Variants in ERBB4 observed in about 807,000 individuals in gnomAD.
ERBB4 encodes receptor tyrosine-protein kinase erbB-4.
ERBB4 carries 42 observed loss-of-function variants against 158.0 expected under a neutral mutation model. The ratio of observed to expected loss-of-function variants is 0.27; its 90% CI spans 0.21 to 0.34. The LOEUF (loss-of-function observed/expected upper bound fraction) is 0.34. Ranked by LOEUF, ERBB4 falls within the 10% of genes least tolerant of loss-of-function variation. ERBB4 has a pLI of 1.00. For synonymous variants in ERBB4, 583 were observed against 558.7 expected, an observed-to-expected ratio of 1.04 and a Z score of -0.61; for missense variants, 1,333 against 1,624.1, an observed-to-expected ratio of 0.82 and a Z score of 3.08.
chr2:211,998,583 CT>C (rs2076027415), intron 2 of ERBB4, among the ~76,000 whole-genome samples: 1 of 147,636 alleles, frequency 6.8e-6, no homozygotes, highest in African/African-American at 2.5e-5. Context: ...TCAGCGTATA[CT>C]TTGTAAGTAA....
intron 1 of ERBB4, among the ~76,000 whole-genome samples, chr2:212,454,129 T>TG (rs201254107): frequency 0.02 from 3,010 of 152,022 alleles, 95 homozygotes; most frequent in African/African-American, 0.069. Context: ...TTAGTAGAGA[T>TG]GGGGTTTCAC....
At chr2:211,769,919 T>A (rs534125522) in intron 4 of ERBB4, among the ~76,000 whole-genome samples, 222 of 152,346 alleles carry the variant, frequency 1.5e-3, no homozygotes, top group African/African-American at 5.0e-3. Context: ...CTTACTCAAA[T>A]GTTAATTTCT....
At chr2:211,616,173 T>C (rs1271731672) in intron 19 of ERBB4, among the ~76,000 whole-genome samples, 3 of 151,732 alleles carry the variant, frequency 2.0e-5, no homozygotes. Context: ...AGTGTGGCTC[T>C]TTCCCAGCAG....
intron 1 of ERBB4, among the ~76,000 whole-genome samples, chr2:212,251,147 C>G (rs1221588130): frequency 3.3e-5 from 5 of 151,952 alleles, no homozygotes; most frequent in Admixed American, 3.3e-4. Context: ...TCTAAAATGT[C>G]TTTACATCCT....
At chr2:211,647,866 T>C (rs555797967) in intron 16 of ERBB4, among the ~76,000 whole-genome samples, 2 of 151,842 alleles carry the variant, frequency 1.3e-5, no homozygotes, top group African/African-American at 4.8e-5. Context: ...TTTTCTTTAC[T>C]TGGCGTCCAG....
rs370075330 is a variant in ERBB4 at position 212,260,281 on chromosome 2, G to A, written c.83-135378C>T. On this transcript the variant is annotated intron_variant, in intron 1 of 27. Transcript: ENST00000342788. ...AGAGTCCAAAAGGATATTTGCAGAG[G>A]AGGAAAAGAAACAAAAGAGTAGAGA... Among the ~76,000 whole-genome samples the A allele has an allele frequency of 8.5e-5, 13 of 152,210 alleles. No homozygotes were observed. The South Asian group carries it at 2.7e-3, about 32-fold the overall frequency.
At chr2:211,937,198 AAC>A (rs1337648891) in intron 3 of ERBB4, among the ~76,000 whole-genome samples, 1 of 151,850 alleles carries the variant, frequency 6.6e-6, no homozygotes, top group Non-Finnish European at 1.5e-5. Flanking sequence ...AAACAAAAAC[AAC>A]AGTTTGTTTC....
chr2:212,537,775 C>T (rs939824689), intron 1 of ERBB4, among the ~76,000 whole-genome samples: 2 of 148,214 alleles, frequency 1.3e-5, no homozygotes, highest in East Asian at 2.0e-4. Flanking sequence ...AGAGGTCAGG[C>T]AGGCGAGTAA....
At chr2:211,613,470 T>C (rs1441349914) in intron 19 of ERBB4, among the ~76,000 whole-genome samples, 1 of 149,686 alleles carries the variant, frequency 6.7e-6, no homozygotes, top group East Asian at 1.9e-4. Flanking sequence ...TTACTAGTTC[T>C]AGAGACAACC....
chr2:212,092,803 C>A (rs1022474144), intron 2 of ERBB4, among the ~76,000 whole-genome samples: 2 of 152,022 alleles, frequency 1.3e-5, no homozygotes, highest in African/African-American at 4.8e-5. Flanking sequence ...AACATCACAA[C>A]CGGGGCCTGT....
chr2:212,219,086 T>A (rs917743201), intron 1 of ERBB4, among the ~76,000 whole-genome samples: 3 of 151,348 alleles, frequency 2.0e-5, no homozygotes, highest in African/African-American at 7.3e-5. Flanking sequence ...AAGGAAAGAA[T>A]AGAGATTTTG....
chr2:212,395,384 GATT>G (rs958195295), intron 1 of ERBB4, among the ~76,000 whole-genome samples: 78 of 151,686 alleles, frequency 5.1e-4, no homozygotes, highest in African/African-American at 1.9e-3. Flanking sequence ...TATAAGCATT[GATT>G]ATATTATCAA....
chr2:211,605,439 G>A (rs1011542427), intron 19 of ERBB4, among the ~76,000 whole-genome samples: 4 of 152,090 alleles, frequency 2.6e-5, no homozygotes, highest in African/African-American at 7.2e-5. Context: ...CTCACCCACT[G>A]TGCATCTCAT....
intron 1 of ERBB4, among the ~76,000 whole-genome samples, chr2:212,488,837 T>C (rs555954756): frequency 1.2e-4 from 18 of 151,158 alleles, no homozygotes; most frequent in Admixed American, 3.3e-4. Context: ...TGCAAATATA[T>C]TGAAAAATCT....
At chr2:211,626,175 G>A (rs1433259841) in intron 17 of ERBB4, among the ~76,000 whole-genome samples, 1 of 152,106 alleles carries the variant, frequency 6.6e-6, no homozygotes. Flanking sequence ...CTAGAACATT[G>A]CCTGGCATAT....
chr2:212,484,044 T>C (rs997979621), intron 1 of ERBB4, among the ~76,000 whole-genome samples: 1 of 152,216 alleles, frequency 6.6e-6, no homozygotes, highest in African/African-American at 2.4e-5. Flanking sequence ...CCTGTCATCA[T>C]GTTCTTTAAA....
rs1022217972 is a variant in ERBB4, at chr2:212,050,438, C to T, written c.234+74314G>A. Among the ~76,000 whole-genome samples the T allele has an allele frequency of 1.6e-4, 25 of 152,120 alleles. 1 individual carries two copies. Among genetic ancestry groups the T allele is most frequent in the African/African-American group, 5.8e-4 (24 of 41,440 alleles). The stretch of plus-strand genomic sequence containing the variant: ...ATAAAGTGATAAATGTGATGGAATG[C>T]TTTGTTAGCACCCTGCCACATGGAA... On this transcript the variant is annotated intron_variant, in intron 2 of 27. Coordinates refer to ENST00000342788, the MANE Select transcript of ERBB4 (RefSeq NM_005235.3).
chr2:212,158,364 A>G (rs1338543886), intron 1 of ERBB4, among the ~76,000 whole-genome samples: 1 of 151,948 alleles, frequency 6.6e-6, no homozygotes, highest in African/African-American at 2.4e-5. Flanking sequence ...TAATCCCCAA[A>G]GTCCCACCAC....
At chr2:212,278,910 T>C (rs1460814413) in intron 1 of ERBB4, among the ~76,000 whole-genome samples, 1 of 151,612 alleles carries the variant, frequency 6.6e-6, no homozygotes, top group Non-Finnish European at 1.5e-5. Flanking sequence ...ATTTTGGATC[T>C]GTGTCAGAGG....
Sources: gnomAD v4.1 joint callset for allele counts (sites outside exome capture counted in the v4.1 genomes callset) on GRCh38, gnomAD v4.1.1 for gene constraint, MANE v1.5 for transcripts, NCBI Gene and HGNC (gene_info 2026-07-23, HGNC 2026-07-21) for gene names.